The following SDK1 variants were observed in gnomAD, a reference collection of about 807,000 sequenced individuals.
SDK1 encodes sidekick cell adhesion molecule 1, also known as protein sidekick-1.
In SDK1, 157 loss-of-function variants were observed where a neutral mutation model predicts 245.5. The ratio of observed to expected loss-of-function variants is 0.64; its 90% confidence interval spans 0.56 to 0.73. The LOEUF (loss-of-function observed/expected upper bound fraction) is 0.73. Ranked by LOEUF, SDK1 falls within the 30% of genes least tolerant of loss-of-function variation. The probability of loss-of-function intolerance (pLI) is 0.00; values close to 1 mark genes in which losing one functional copy is unlikely to be tolerated. For synonymous variants in SDK1, 1,647 were observed against 1,278.5 expected (o/e 1.29, Z -6.15); for missense variants, 3,583 against 3,002.3 (o/e 1.19, Z -4.52).
intron 22 of SDK1, among the ~76,000 whole-genome samples, chr7:4,091,334 C>CTTTTTTTTTTTTTTTTTT (rs61065472): frequency 3.9e-4 from 42 of 108,266 alleles, no homozygotes; most frequent in African/African-American, 1.0e-3. Flanking sequence ...CTTTTCTTTT[C>CTTTTTTTTTTTTTTTTTT]TTTTTTTTTT....
intron 1 of SDK1, among the ~76,000 whole-genome samples, chr7:3,452,559 G>C (rs1015029035): frequency 1.3e-5 from 2 of 152,150 alleles, no homozygotes; most frequent in Non-Finnish European, 2.9e-5. Flanking sequence ...GTCACATTGA[G>C]AGGACTTAAT....
chr7:3,417,035 A>G (rs55654188), intron 1 of SDK1, among the ~76,000 whole-genome samples: 52,629 of 151,940 alleles, frequency 0.35, 11,898 homozygotes, highest in African/African-American at 0.65. Context: ...TTAGCTGGGC[A>G]TGATGGCATG....
intron 5 of SDK1, among the ~76,000 whole-genome samples, chr7:3,935,724 C>A (rs1780135877): frequency 6.6e-6 from 1 of 152,162 alleles, no homozygotes; most frequent in Non-Finnish European, 1.5e-5. Flanking sequence ...ACAGAAAACA[C>A]AACAAAAACA....
intron 13 of SDK1, among the ~76,000 whole-genome samples, chr7:3,979,233 C>T (rs1424631462): frequency 1.3e-5 from 2 of 152,216 alleles, no homozygotes; most frequent in African/African-American, 2.4e-5. Context: ...GGGCGGCACC[C>T]ACCCGGGTTT....
chr7:3,486,512 T>C (rs1412839011), intron 1 of SDK1, among the ~76,000 whole-genome samples: 1 of 152,158 alleles, frequency 6.6e-6, no homozygotes. Flanking sequence ...ATTTTCAATC[T>C]CTTGTGTTTT....
chr7:3,797,257 A>G (rs1010127145), intron 4 of SDK1, among the ~76,000 whole-genome samples: 7 of 152,174 alleles, frequency 4.6e-5, no homozygotes. Flanking sequence ...TGCTGGGATT[A>G]TAGGTGTGAG....
Position 3,705,519 on chromosome 7 carries a change from T to C in SDK1, c.713+63414T>C, listed in dbSNP as rs1446726314. Among the ~76,000 whole-genome samples the C allele has an allele frequency of 4.0e-5, 6 of 151,540 alleles. No homozygotes were observed. The East Asian group carries it at 1.2e-3, about 29-fold the overall frequency. ...TTTTATTTTATTTTTGCAGCTTTTG[T>C]AAAAGGGATTGAGTTCATGATTTGA... is the stretch of plus-strand genomic sequence containing the variant. On this transcript the variant is annotated intron_variant, in intron 4 of 44. Coordinates refer to ENST00000404826, the MANE Select transcript of SDK1 (RefSeq NM_152744.4).
intron 44 of SDK1, among the ~76,000 whole-genome samples, chr7:4,263,593 G>A (rs74651089): frequency 2.9e-3 from 117 of 40,072 alleles, no homozygotes; most frequent in Non-Finnish European, 3.5e-3. Context: ...GGGAGGCCGC[G>A]TAGACCTCTC....
intron 4 of SDK1, among the ~76,000 whole-genome samples, chr7:3,740,030 A>G (rs191200435): frequency 3.3e-4 from 50 of 152,346 alleles, no homozygotes; most frequent in African/African-American, 1.2e-3. Flanking sequence ...GTGGTCATCT[A>G]ATAACTGGAT....
chr7:3,476,027 A>G (rs1330463927), intron 1 of SDK1: 1 of 152,650 alleles, frequency 6.6e-6, no homozygotes, highest in Non-Finnish European at 1.5e-5. Context: ...CCTATTCATC[A>G]TCAAAAAGTC....
At chr7:4,066,834 A>C (rs769387681) in intron 19 of SDK1, among the ~76,000 whole-genome samples, 1 of 152,184 alleles carries the variant, frequency 6.6e-6, no homozygotes, top group Non-Finnish European at 1.5e-5. Context: ...GTCCATCTGC[A>C]TGTGGGGCGG....
chr7:4,168,122 A>C (rs935757168), intron 32 of SDK1, among the ~76,000 whole-genome samples: 4 of 152,142 alleles, frequency 2.6e-5, no homozygotes, highest in Admixed American at 6.6e-5. Context: ...GACCCTTTGT[A>C]AGTGACGCTC....
intron 4 of SDK1, among the ~76,000 whole-genome samples, chr7:3,741,524 A>G (rs1779473643): frequency 6.6e-6 from 1 of 152,212 alleles, no homozygotes. Flanking sequence ...TATCTGTGTT[A>G]TTCTTGAATA....
chr7:4,144,901 C>T (rs753905808), intron 28 of SDK1, among the ~76,000 whole-genome samples: 19 of 152,138 alleles, frequency 1.2e-4, no homozygotes, highest in Non-Finnish European at 1.9e-4. Flanking sequence ...TTTTAATCAG[C>T]GCAGGAGCTC....
intron 1 of SDK1, among the ~76,000 whole-genome samples, chr7:3,384,702 C>T (rs773785104): frequency 5.3e-5 from 8 of 152,194 alleles, no homozygotes; most frequent in Non-Finnish European, 1.2e-4. Flanking sequence ...CATTCAAATG[C>T]AGCAGGCATG....
rs1562646675 is a variant in SDK1, at chr7:3,672,772, TATATATATATATATATATATATAA to T, written c.713+30669_713+30692del. 1.5e-4 allele frequency among the ~76,000 whole-genome samples: 14 copies of T among 91,834 alleles called. 2 individuals are homozygous for T. The highest frequency in any genetic ancestry group is 4.8e-4 in the Admixed American group (4 of 8,288). The allele number at this position is 91,834 out of a possible 152,430, so 60.2% of individuals were successfully genotyped here. A position where few individuals can be genotyped will look rare whatever the true frequency, so the allele number is the denominator to read the frequency against. On this transcript the variant is annotated intron_variant, in intron 4 of 44. Transcript: ENST00000404826. Reference sequence around the variant, plus strand: ...TAATATATAATTTTATATATATATATATATATATATATATATATATATAAAAAATACAGAAAGCTCTAAGTATGC... The same window carrying T: ...TAATATATAATTTTATATATATATATAAAATACAGAAAGCTCTAAGTATGC...
chr7:4,006,594 CA>C, intron 14 of SDK1, among the ~76,000 whole-genome samples: 1 of 152,210 alleles, frequency 6.6e-6, no homozygotes, highest in Middle Eastern at 3.4e-3. Context: ...AAATCCTTCC[CA>C]AAACAATTTT....
At chr7:3,355,531 A>T (rs1780766769) in intron 1 of SDK1, among the ~76,000 whole-genome samples, 1 of 152,160 alleles carries the variant, frequency 6.6e-6, no homozygotes, top group Non-Finnish European at 1.5e-5. Flanking sequence ...GTTTCCAGTT[A>T]GATTTCTTCT....
At chr7:4,259,183 A>G (rs1787812883) in intron 44 of SDK1, among the ~76,000 whole-genome samples, 1 of 152,208 alleles carries the variant, frequency 6.6e-6, no homozygotes, top group Non-Finnish European at 1.5e-5. Context: ...TCACACCTGT[A>G]ATCTCGGCAC....
Sources: allele counts gnomAD v4.1 joint callset (sites outside exome capture counted in the v4.1 genomes callset), GRCh38; gene constraint gnomAD v4.1.1; transcripts MANE v1.5; gene names NCBI Gene and HGNC (gene_info 2026-07-23, HGNC 2026-07-21).